The following BTBD9 variants were observed in gnomAD, a reference collection of about 807,000 sequenced individuals.
BTBD9 encodes the protein BTB domain containing 9.
A neutral mutation model predicts 64.3 loss-of-function variants in BTBD9; 49 were observed. The observed-to-expected ratio is 0.76, with a 90% CI of 0.61 to 0.97. The LOEUF is 0.97. BTBD9 is among the 50% of genes least tolerant of loss of function. BTBD9 has a pLI of 0.00. For missense variants in BTBD9, 598 were observed against 762.1 expected, an observed-to-expected ratio of 0.78 and a Z score of 2.53; for synonymous variants, 260 against 274.7, an observed-to-expected ratio of 0.95 and a Z score of 0.53.
Position 38,288,320 on chromosome 6 carries a change from C to T in BTBD9, c.1406G>A (p.Gly469Asp), listed in dbSNP as rs1432239496. The change falls in exon 8 of 11, where the codon GGT becomes GAT. Residue 469 changes from glycine to aspartate, a missense_variant. Coordinates refer to ENST00000481247, the MANE Select transcript of BTBD9 (RefSeq NM_001099272.2). ...TTGTGCCAACTGAACCACAATCGCA[C>T]CACTTCCTAGCTGGTGACATGTGTA... ...SGYTCHQLGS[G>D]AIVVQLAQPY... The T allele has an allele frequency of 6.2e-7, 1 of 1,614,126 alleles. No homozygotes were observed. The highest frequency in any genetic ancestry group is 1.7e-5 in the Admixed American group (1 of 60,016).
At chr6:38,465,616 G>A (rs974526237) in intron 6 of BTBD9, among the ~76,000 whole-genome samples, 22 of 147,874 alleles carry the variant, frequency 1.5e-4, no homozygotes, top group Admixed American at 1.4e-3. Flanking sequence ...GAATCTGGGA[G>A]GTGGAGCTTG....
At chr6:38,319,400 C>T (rs79143186) in intron 7 of BTBD9, among the ~76,000 whole-genome samples, 1,628 of 152,220 alleles carry the variant, frequency 0.011, 12 homozygotes, top group Non-Finnish European at 0.017. Flanking sequence ...CTGGGCCACA[C>T]CCAAAGCCAG....
intron 4 of BTBD9, among the ~76,000 whole-genome samples, chr6:38,584,447 T>C (rs1389367468): frequency 2.6e-5 from 4 of 152,214 alleles, no homozygotes; most frequent in African/African-American, 9.6e-5. Context: ...TTGCTAATTA[T>C]TAGAAGGAAA....
chr6:38,337,634 C>T (rs1763943387), intron 7 of BTBD9, among the ~76,000 whole-genome samples: 1 of 152,202 alleles, frequency 6.6e-6, no homozygotes, highest in Non-Finnish European at 1.5e-5. Context: ...TGTTGTTCTC[C>T]ACTCCACTTA....
At chr6:38,316,504 A>G (rs1295235200) in intron 7 of BTBD9, among the ~76,000 whole-genome samples, 1 of 152,184 alleles carries the variant, frequency 6.6e-6, no homozygotes, top group Non-Finnish European at 1.5e-5. Context: ...TGCAAGTAAT[A>G]TGACCCATTA....
chr6:38,566,371 T>A (rs1775516952), intron 6 of BTBD9, among the ~76,000 whole-genome samples: 1 of 152,214 alleles, frequency 6.6e-6, no homozygotes, highest in South Asian at 2.1e-4. Context: ...AGCAGGTATA[T>A]TCTCCACCTT....
intron 6 of BTBD9, among the ~76,000 whole-genome samples, chr6:38,464,485 A>C (rs1582472195): frequency 6.7e-6 from 1 of 149,992 alleles, no homozygotes; most frequent in South Asian, 2.1e-4. Flanking sequence ...ATTGTCTATA[A>C]TTTTCTTTTC....
intron 6 of BTBD9, among the ~76,000 whole-genome samples, chr6:38,545,499 G>T (rs1774491444): frequency 6.6e-6 from 1 of 152,080 alleles, no homozygotes; most frequent in Non-Finnish European, 1.5e-5. Flanking sequence ...TGAATTTTAG[G>T]CTGGGCGCAA....
chr6:38,251,133 A>T (rs1764385189), intron 9 of BTBD9, among the ~76,000 whole-genome samples: 1 of 151,784 alleles, frequency 6.6e-6, no homozygotes, highest in Non-Finnish European at 1.5e-5. Flanking sequence ...TATATTGTTT[A>T]ATTTTAAAAG....
In BTBD9 at chr6:38,613,173, C is replaced by T. The variant is rs564700696; in HGVS notation, c.-27-15052G>A. On this transcript the variant is annotated intron_variant, in intron 1 of 10. Transcript: ENST00000481247. Reference sequence around the variant, plus strand: ...TATATTAAAATGAATTTCAACTGGTCCTTTCTACTTTTTTCATCAGAATAG... The same window carrying T: ...TATATTAAAATGAATTTCAACTGGTTCTTTCTACTTTTTTCATCAGAATAG... 7.9e-5 allele frequency: 12 copies of T among 152,068 alleles called. No individual in the cohort carries two copies. The East Asian group carries it at 2.3e-3, about 29-fold the overall frequency. The allele number at this position is 152,068 out of a possible 1,614,324, so 9.4% of individuals were successfully genotyped here.
At chr6:38,618,719 G>A (rs1777880463) in intron 1 of BTBD9, among the ~76,000 whole-genome samples, 1 of 152,184 alleles carries the variant, frequency 6.6e-6, no homozygotes, top group Non-Finnish European at 1.5e-5. Context: ...GATCCTGATA[G>A]GTATATAGAT....
chr6:38,219,126 T>C (rs974580763), intron 9 of BTBD9, among the ~76,000 whole-genome samples: 3 of 112,262 alleles, frequency 2.7e-5, no homozygotes, highest in African/African-American at 9.2e-5. Flanking sequence ...ATCACTTTCT[T>C]TTCTTTTTTT....
chr6:38,402,805 T>C (rs1198549130), intron 6 of BTBD9: 5 of 700,398 alleles, frequency 7.1e-6, no homozygotes, highest in Non-Finnish European at 1.3e-5. Flanking sequence ...TGGTGGCTCA[T>C]GCCTATAATA....
intron 6 of BTBD9, among the ~76,000 whole-genome samples, chr6:38,478,626 G>A (rs1412337236): frequency 6.6e-6 from 1 of 152,166 alleles, no homozygotes; most frequent in Non-Finnish European, 1.5e-5. Context: ...AACTAAAGGA[G>A]GGAAGATAAG....
At chr6:38,211,525 T>C (rs12215376) in intron 9 of BTBD9, among the ~76,000 whole-genome samples, 16,392 of 151,924 alleles carry the variant, frequency 0.11, 992 homozygotes, top group Non-Finnish European at 0.14. Flanking sequence ...GATGGATCAC[T>C]TGAACCCAGG....
chr6:38,439,945 T>C (rs1006727251), intron 6 of BTBD9, among the ~76,000 whole-genome samples: 1 of 152,148 alleles, frequency 6.6e-6, no homozygotes, highest in East Asian at 1.9e-4. Flanking sequence ...AAGCAAAACA[T>C]TGGAATTACT....
intron 6 of BTBD9, among the ~76,000 whole-genome samples, chr6:38,489,585 A>G (rs1056911770): frequency 6.6e-5 from 10 of 152,206 alleles, no homozygotes; most frequent in Admixed American, 6.5e-4. Context: ...CATTGTGTGT[A>G]TGTATAATAA....
chr6:38,633,454 C>T (rs57169830), intron 1 of BTBD9, among the ~76,000 whole-genome samples: 1,587 of 152,150 alleles, frequency 0.01, 24 homozygotes, highest in African/African-American at 0.035. Context: ...CATAATGTAG[C>T]CATTAGATAA....
At chr6:38,370,143 T>C (rs895904872) in intron 6 of BTBD9, among the ~76,000 whole-genome samples, 2 of 152,240 alleles carry the variant, frequency 1.3e-5, no homozygotes, top group Admixed American at 1.3e-4. Flanking sequence ...CCTTGTAATA[T>C]AAGGGACTTC....
Sources: gnomAD v4.1 joint callset for allele counts (sites outside exome capture counted in the v4.1 genomes callset) on GRCh38, gnomAD v4.1.1 for gene constraint, MANE v1.5 for transcripts, NCBI Gene and HGNC (gene_info 2026-07-23, HGNC 2026-07-21) for gene names.